Variants in PDE3A observed in about 807,000 individuals in gnomAD.
The protein encoded by PDE3A is phosphodiesterase 3A.
Under a neutral mutation model 98.3 loss-of-function variants are expected in PDE3A, and 43 were observed. That is an observed-to-expected ratio of 0.44 (90% CI 0.34 to 0.56). PDE3A has a LOEUF of 0.56. PDE3A is among the 20% of genes least tolerant of loss of function. The pLI is 0.01. For synonymous variants in PDE3A, 663 were observed against 567.9 expected, an observed-to-expected ratio of 1.17 and a Z score of -2.38; for missense variants, 1,427 against 1,440.7, an observed-to-expected ratio of 0.99 and a Z score of 0.15.
intron 1 of PDE3A, among the ~76,000 whole-genome samples, chr12:20,550,403 A>G (rs1288094268): frequency 1.3e-5 from 2 of 152,104 alleles, no homozygotes; most frequent in East Asian, 1.9e-4. Flanking sequence ...GGTATTGTCA[A>G]TGTTTGAAAT....
intron 1 of PDE3A, among the ~76,000 whole-genome samples, chr12:20,372,284 TA>T (rs1327160433): frequency 6.6e-6 from 1 of 152,194 alleles, no homozygotes; most frequent in Non-Finnish European, 1.5e-5. Flanking sequence ...CTTTGGTCAC[TA>T]TTTTTTTTAA....
At chr12:20,428,567 C>T (rs1944641047) in intron 1 of PDE3A, among the ~76,000 whole-genome samples, 1 of 152,090 alleles carries the variant, frequency 6.6e-6, no homozygotes, top group Non-Finnish European at 1.5e-5. Flanking sequence ...AGGAATGAGC[C>T]ACCATGCCCG....
intron 1 of PDE3A, among the ~76,000 whole-genome samples, chr12:20,535,338 T>C (rs559247668): frequency 1.3e-3 from 205 of 152,280 alleles, no homozygotes; most frequent in African/African-American, 4.5e-3. Flanking sequence ...AAGAATTCAT[T>C]GTTTCCGTAT....
At chr12:20,384,878 T>C (rs1251536596) in intron 1 of PDE3A, among the ~76,000 whole-genome samples, 1 of 152,164 alleles carries the variant, frequency 6.6e-6, no homozygotes, top group East Asian at 1.9e-4. Flanking sequence ...TCTTTATGGC[T>C]GCATAGTATT....
At chr12:20,586,860 T>C (rs571104960) in intron 2 of PDE3A, among the ~76,000 whole-genome samples, 2 of 152,318 alleles carry the variant, frequency 1.3e-5, no homozygotes, top group South Asian at 4.1e-4. Context: ...TTTGCACTGA[T>C]AGTGGACTAA....
At chr12:20,642,846 T>G (rs1944675636) in intron 10 of PDE3A, among the ~76,000 whole-genome samples, 2 of 152,130 alleles carry the variant, frequency 1.3e-5, no homozygotes, top group Non-Finnish European at 2.9e-5. Flanking sequence ...AAAAAAAATA[T>G]TTAAAGTGTT....
intron 15 of PDE3A, among the ~76,000 whole-genome samples, chr12:20,660,703 A>G (rs1945147476): frequency 1.3e-5 from 2 of 152,200 alleles, no homozygotes; most frequent in African/African-American, 4.8e-5. Context: ...GCTGCCATCC[A>G]TGTAAGATGT....
At chr12:20,448,717 A>T in intron 1 of PDE3A, among the ~76,000 whole-genome samples, 1 of 148,934 alleles carries the variant, frequency 6.7e-6, no homozygotes, top group Non-Finnish European at 1.5e-5. Flanking sequence ...GTAAAGGGTA[A>T]CCTGCGTTAC....
chr12:20,459,597 G>C (rs1945213254), intron 1 of PDE3A, among the ~76,000 whole-genome samples: 2 of 152,096 alleles, frequency 1.3e-5, no homozygotes, highest in African/African-American at 4.8e-5. Flanking sequence ...GTTTTACATT[G>C]TAGAGCATGT....
At chr12:20,435,609 G>C (rs548342898) in intron 1 of PDE3A, among the ~76,000 whole-genome samples, 2 of 152,120 alleles carry the variant, frequency 1.3e-5, no homozygotes, top group East Asian at 3.9e-4. Flanking sequence ...TATGGTTCCT[G>C]GATCTAATTC....
Position 20,555,608 on chromosome 12 carries a change from A to G in PDE3A, c.961-1052A>G, listed in dbSNP as rs528163600. On this transcript the variant is annotated intron_variant, in intron 1 of 15. Transcript: ENST00000359062. ...TCTCCAATGAAATTTATATTCTTTC[A>G]AAATTAAAAATACTGTTAGCTTTTG... 8.5e-5 allele frequency among the ~76,000 whole-genome samples: 13 copies of G among 152,318 alleles called. No homozygotes were observed. The East Asian group carries it at 2.3e-3, about 27-fold the overall frequency.
chr12:20,453,617 C>A (rs770823775), intron 1 of PDE3A, among the ~76,000 whole-genome samples: 2 of 151,988 alleles, frequency 1.3e-5, no homozygotes, highest in South Asian at 2.1e-4. Flanking sequence ...CTTAAAGGAG[C>A]CAGAGAGGAA....
intron 1 of PDE3A, among the ~76,000 whole-genome samples, chr12:20,546,036 G>T (rs1942047809): frequency 6.6e-6 from 1 of 151,930 alleles, no homozygotes; most frequent in South Asian, 2.1e-4. Context: ...GACTGTGGCT[G>T]CTAGTCACAT....
At chr12:20,503,382 A>G (rs1443394757) in intron 1 of PDE3A, among the ~76,000 whole-genome samples, 1 of 152,058 alleles carries the variant, frequency 6.6e-6, no homozygotes, top group East Asian at 1.9e-4. Flanking sequence ...TCTGTAATAG[A>G]TTTTTGATAT....
At chr12:20,532,856 CTTTTTGTAT>C (rs1223031150) in intron 1 of PDE3A, among the ~76,000 whole-genome samples, 4 of 151,886 alleles carry the variant, frequency 2.6e-5, no homozygotes, top group Non-Finnish European at 4.4e-5. Flanking sequence ...GCCCGGCTAA[CTTTTTGTAT>C]TTTTAGTAGA....
At chr12:20,588,250 T>C (rs1943238687) in intron 2 of PDE3A, among the ~76,000 whole-genome samples, 1 of 152,174 alleles carries the variant, frequency 6.6e-6, no homozygotes, top group Non-Finnish European at 1.5e-5. Context: ...TTTCATTCAT[T>C]TGCATTCCCA....
intron 2 of PDE3A, among the ~76,000 whole-genome samples, chr12:20,575,021 A>G (rs1215609082): frequency 6.6e-6 from 1 of 152,024 alleles, no homozygotes; most frequent in African/African-American, 2.4e-5. Context: ...CATTGGACAT[A>G]CTATTTATTG....
intron 1 of PDE3A, among the ~76,000 whole-genome samples, chr12:20,457,594 C>G (rs1945174209): frequency 6.7e-6 from 1 of 149,166 alleles, no homozygotes; most frequent in African/African-American, 2.5e-5. Flanking sequence ...AGTGATTGAC[C>G]CAGAATAGAA....
chr12:20,655,281 G>T (rs1411873065), intron 15 of PDE3A, among the ~76,000 whole-genome samples: 1 of 152,148 alleles, frequency 6.6e-6, no homozygotes, highest in Admixed American at 6.5e-5. Flanking sequence ...AAAAAGAAAA[G>T]ACCTGCAAGA....
Sources: gnomAD v4.1 joint callset for allele counts (sites outside exome capture counted in the v4.1 genomes callset) on GRCh38, gnomAD v4.1.1 for gene constraint, MANE v1.5 for transcripts, NCBI Gene and HGNC (gene_info 2026-07-23, HGNC 2026-07-21) for gene names.